The following MAF variants were observed in gnomAD, a reference collection of about 807,000 sequenced individuals.
The protein encoded by MAF is MAF bZIP transcription factor.
In MAF, 10 loss-of-function variants were observed where a neutral mutation model predicts 22.0. The ratio of observed to expected loss-of-function variants is 0.45; its 90% CI spans 0.28 to 0.77. The LOEUF (loss-of-function observed/expected upper bound fraction) is 0.77, where lower values mean the gene tolerates loss of function less well. Among genes scored for constraint, MAF ranks in the 30% least tolerant of loss-of-function variants. The pLI is 0.12. For synonymous variants in MAF, 337 were observed against 255.8 expected (o/e 1.32, Z -3.03); for missense variants, 544 against 548.4 (o/e 0.99, Z 0.08).
the MAF span, among the ~76,000 whole-genome samples, chr16:79,367,316 A>T: frequency 1.1e-4 from 16 of 152,206 alleles, no homozygotes; most frequent in Admixed American, 5.9e-4. Flanking sequence ...GTCTTATGAC[A>T]GCTGCTGGTT....
At chr16:79,237,492 C>A in the MAF span, among the ~76,000 whole-genome samples, 10,445 of 152,090 alleles carry the variant, frequency 0.069, 545 homozygotes, top group Middle Eastern at 0.15. Flanking sequence ...AGGATTTCTC[C>A]CCCAACTTCT....
the MAF span, among the ~76,000 whole-genome samples, chr16:79,459,403 G>T: frequency 2.6e-5 from 4 of 152,110 alleles, no homozygotes; most frequent in Admixed American, 2.6e-4. Flanking sequence ...CATGCTCTGG[G>T]AGAGTCGTAT....
chr16:79,551,917 G>C, the MAF span, among the ~76,000 whole-genome samples: 1 of 151,930 alleles, frequency 6.6e-6, no homozygotes, highest in Non-Finnish European at 1.5e-5. Flanking sequence ...CCAATCCCTG[G>C]CATTAGAGGA....
chr16:79,415,277 G>C, the MAF span, among the ~76,000 whole-genome samples: 16 of 150,844 alleles, frequency 1.1e-4, 1 homozygote, highest in South Asian at 3.4e-3. Flanking sequence ...AAGGAAGGAA[G>C]GAAGGGAGGG....
chr16:79,246,252 T>C, the MAF span, among the ~76,000 whole-genome samples: 1 of 152,024 alleles, frequency 6.6e-6, no homozygotes, highest in East Asian at 1.9e-4. Context: ...ACATAAGCAT[T>C]TTACACTAAA....
At chr16:79,255,982 C>CTTTTTTTTTT in the MAF span, among the ~76,000 whole-genome samples, 8 of 99,694 alleles carry the variant, frequency 8.0e-5, no homozygotes, top group South Asian at 3.1e-4. Flanking sequence ...CTTTTCTTTT[C>CTTTTTTTTTT]TTTTTTTTTT....
the MAF span, among the ~76,000 whole-genome samples, chr16:79,490,297 A>G: frequency 6.6e-6 from 1 of 152,158 alleles, no homozygotes; most frequent in Non-Finnish European, 1.5e-5. Flanking sequence ...CAGCCTTTCA[A>G]ACGAGGCAGG....
At chr16:79,538,865 GA>G in the MAF span, among the ~76,000 whole-genome samples, 85 of 28,352 alleles carry the variant, frequency 3.0e-3, no homozygotes, top group African/African-American at 9.1e-3. Context: ...GAAAAGAAAA[GA>G]AAAGAAAAGA....
chr16:79,292,463 A>G, the MAF span, among the ~76,000 whole-genome samples: 2 of 152,222 alleles, frequency 1.3e-5, no homozygotes, highest in East Asian at 3.9e-4. Context: ...GGCCTCTAGA[A>G]CTGAGAAAGA....
At chr16:79,446,576 C>G in the MAF span, among the ~76,000 whole-genome samples, 123 of 152,224 alleles carry the variant, frequency 8.1e-4, 1 homozygote, top group East Asian at 0.018. Context: ...CCATTATGGG[C>G]TAAAGGGATT....
rs1481540081 is a variant in MAF, at chr16:79,598,654, C to T, written c.1118+131G>A. On this transcript the variant is annotated intron_variant, in intron 1 of 1. Transcript: ENST00000326043. ...GTGTGTGTGTAGGGGGCCAAGGGGG[C>T]CAAACTCGGTGGGGGTGGGGGTGGT... 30 of 1,529,978 alleles carry T rather than the reference C, an allele frequency of 2.0e-5. No homozygotes were observed. The East Asian group carries it at 4.9e-4, about 25-fold the overall frequency. 94.8% of individuals were successfully genotyped at this position (1,529,978 alleles called of 1,614,324 possible).
the MAF span, among the ~76,000 whole-genome samples, chr16:79,368,356 C>A: frequency 1.3e-5 from 2 of 152,068 alleles, no homozygotes; most frequent in South Asian, 4.1e-4. Context: ...TAGACATTAT[C>A]TAATTTTGAA....
chr16:79,412,217 T>C, the MAF span, among the ~76,000 whole-genome samples: 1 of 152,222 alleles, frequency 6.6e-6, no homozygotes, highest in Non-Finnish European at 1.5e-5. Flanking sequence ...GGGAGGCTGA[T>C]GTCAAGAGCA....
At chr16:79,451,936 C>G in the MAF span, among the ~76,000 whole-genome samples, 42 of 152,312 alleles carry the variant, frequency 2.8e-4, no homozygotes, top group East Asian at 5.6e-3. Context: ...TGTGCAGAGT[C>G]TCTTAGTGCT....
the MAF span, among the ~76,000 whole-genome samples, chr16:79,492,559 C>A: frequency 1.3e-5 from 2 of 152,170 alleles, no homozygotes; most frequent in South Asian, 4.1e-4. Flanking sequence ...ATAACAGTGT[C>A]ACCAAAAGAC....
At chr16:79,517,158 G>C in the MAF span, among the ~76,000 whole-genome samples, 1 of 152,166 alleles carries the variant, frequency 6.6e-6, no homozygotes, top group African/African-American at 2.4e-5. Context: ...TCACCACTGA[G>C]GTCTGAGTTC....
the MAF span, among the ~76,000 whole-genome samples, chr16:79,576,588 T>C: frequency 6.6e-6 from 1 of 152,096 alleles, no homozygotes; most frequent in Non-Finnish European, 1.5e-5. Flanking sequence ...TAAACTAACG[T>C]TGTATGTTTT....
chr16:79,545,070 T>G, the MAF span, among the ~76,000 whole-genome samples: 1 of 152,066 alleles, frequency 6.6e-6, no homozygotes, highest in East Asian at 1.9e-4. Context: ...AAGAAGACAC[T>G]CAGCATGCAT....
the MAF span, among the ~76,000 whole-genome samples, chr16:79,499,616 G>A: frequency 6.6e-6 from 1 of 152,174 alleles, no homozygotes; most frequent in Non-Finnish European, 1.5e-5. Flanking sequence ...GCCCCAAAGA[G>A]CTGCCTTGTC....
Sources: allele counts gnomAD v4.1 joint callset (sites outside exome capture counted in the v4.1 genomes callset), GRCh38; gene constraint gnomAD v4.1.1; transcripts MANE v1.5; gene names NCBI Gene and HGNC (gene_info 2026-07-23, HGNC 2026-07-21).